CTNNA2: variants seen among roughly 807,000 people sequenced by gnomAD.
The protein encoded by CTNNA2 is catenin alpha-2.
CTNNA2 carries 42 observed loss-of-function variants against 101.0 expected under a neutral mutation model. The ratio of observed to expected loss-of-function variants is 0.42; its 90% confidence interval spans 0.32 to 0.54. The LOEUF is 0.54. Ranked by LOEUF, CTNNA2 falls within the 20% of genes least tolerant of loss-of-function variation. CTNNA2 has a pLI of 0.14. For synonymous variants in CTNNA2, 450 were observed against 456.4 expected (o/e 0.99, Z 0.18); for missense variants, 871 against 1,223.1 (o/e 0.71, Z 4.29).
At chr2:79,585,272 T>A (rs1676408927) in intron 1 of CTNNA2, among the ~76,000 whole-genome samples, 1 of 152,058 alleles carries the variant, frequency 6.6e-6, no homozygotes, top group Non-Finnish European at 1.5e-5. Flanking sequence ...TTTTCTTGGT[T>A]ATTCAGACAC....
intron 3 of CTNNA2, among the ~76,000 whole-genome samples, chr2:79,358,247 T>C (rs1243460476): frequency 3.3e-5 from 5 of 151,954 alleles, no homozygotes; most frequent in Admixed American, 3.3e-4. Flanking sequence ...TCACCCAGGC[T>C]GGAGTACAAT....
intron 7 of CTNNA2, among the ~76,000 whole-genome samples, chr2:80,097,150 G>T (rs982849662): frequency 6.6e-6 from 1 of 152,172 alleles, no homozygotes; most frequent in East Asian, 1.9e-4. Flanking sequence ...GGTACCGGTT[G>T]TTCCTTTCCA....
intron 18 of CTNNA2, among the ~76,000 whole-genome samples, chr2:80,640,792 A>G (rs1311813513): frequency 1.3e-5 from 2 of 152,116 alleles, no homozygotes; most frequent in Non-Finnish European, 2.9e-5. Context: ...TGCAAGCAAT[A>G]TGTGACTCCT....
At chr2:79,930,284 GAGAGAGAAAGAGAAAGAAAGAA>G (rs1687316115) in intron 7 of CTNNA2, among the ~76,000 whole-genome samples, 4 of 71,540 alleles carry the variant, frequency 5.6e-5, no homozygotes, top group Non-Finnish European at 3.6e-5. Context: ...GAAAGAGAGA[GAGAGAGAAAGAGAAAGAAAGAA>G]AGAAAGAAAG....
At chr2:80,149,023 ATTTTTTTTT>A (rs34431691) in intron 7 of CTNNA2, among the ~76,000 whole-genome samples, 2 of 124,820 alleles carry the variant, frequency 1.6e-5, no homozygotes, top group Non-Finnish European at 3.4e-5. Flanking sequence ...TTATTTTGTT[ATTTTTTTTT>A]TTTTTTTTTT....
chr2:80,297,667 G>A (rs536800444), intron 7 of CTNNA2, among the ~76,000 whole-genome samples: 1 of 152,168 alleles, frequency 6.6e-6, no homozygotes, highest in African/African-American at 2.4e-5. Context: ...ATACTTTAAT[G>A]GAAAAATACT....
chr2:79,861,697 T>G (rs745385716), intron 4 of CTNNA2, among the ~76,000 whole-genome samples: 4 of 152,226 alleles, frequency 2.6e-5, no homozygotes, highest in African/African-American at 9.6e-5. Context: ...ATATTAAAGA[T>G]TCACATGACT....
At chr2:79,540,263 T>G (rs963684399) in intron 1 of CTNNA2, among the ~76,000 whole-genome samples, 5 of 152,190 alleles carry the variant, frequency 3.3e-5, no homozygotes, top group African/African-American at 1.2e-4. Flanking sequence ...GCTCTGCCAC[T>G]TACTAGCTTG....
intron 3 of CTNNA2, among the ~76,000 whole-genome samples, chr2:79,343,949 A>G (rs1434211): frequency 0.84 from 127,469 of 152,110 alleles, 53,559 homozygotes; most frequent in East Asian, 0.97. Context: ...TACATGTGCT[A>G]TTCATGTGGT....
intron 7 of CTNNA2, among the ~76,000 whole-genome samples, chr2:80,348,320 A>G (rs1235635190): frequency 6.6e-6 from 1 of 152,144 alleles, no homozygotes; most frequent in Non-Finnish European, 1.5e-5. Flanking sequence ...AGACCAGTCA[A>G]AAGATTTGCT....
chr2:79,385,097 TCTGAAA>T (rs1362319672), intron 4 of CTNNA2, among the ~76,000 whole-genome samples: 1 of 152,230 alleles, frequency 6.6e-6, no homozygotes, highest in Admixed American at 6.5e-5. Flanking sequence ...CATTTCCCTT[TCTGAAA>T]CTGGTGACCT....
Position 79,636,192 on chromosome 2 carries a change from C to T in CTNNA2, c.-5-15360C>T, listed in dbSNP as rs180728170. Reference sequence around the variant, plus strand: ...GGCTGAGGCAGGAGAATGGCGTGGACCCGGGAGATGGAGCTTGCAGTGAGC... The same window carrying T: ...GGCTGAGGCAGGAGAATGGCGTGGATCCGGGAGATGGAGCTTGCAGTGAGC... On this transcript the variant is annotated intron_variant, in intron 1 of 18. Coordinates refer to ENST00000402739, the MANE Select transcript of CTNNA2 (RefSeq NM_001282597.3). 5.4e-3 allele frequency among the ~76,000 whole-genome samples: 788 copies of T among 147,254 alleles called. 26 individuals carry two copies. In the East Asian group the frequency reaches 0.065, roughly 12 times the overall value.
At chr2:79,823,028 T>G (rs1042650438) in intron 3 of CTNNA2, among the ~76,000 whole-genome samples, 2 of 152,220 alleles carry the variant, frequency 1.3e-5, no homozygotes, top group Non-Finnish European at 2.9e-5. Flanking sequence ...ATCTTTTAGA[T>G]GTCAGTAAAA....
intron 11 of CTNNA2, among the ~76,000 whole-genome samples, chr2:80,548,708 TTTCCGC>T (rs1475811899): frequency 6.6e-6 from 1 of 152,134 alleles, no homozygotes; most frequent in African/African-American, 2.4e-5. Context: ...AGCAGGCACC[TTTCCGC>T]AGACGGGGTT....
intron 6 of CTNNA2, among the ~76,000 whole-genome samples, chr2:79,876,204 G>A (rs952533273): frequency 8.5e-5 from 13 of 152,130 alleles, no homozygotes; most frequent in African/African-American, 3.1e-4. Flanking sequence ...ACAGAGGAGT[G>A]ATAAAGGATT....
In CTNNA2 at chr2:79,831,284, A is replaced by G. The variant is rs575948784; in HGVS notation, c.299-26729A>G. ...AAATAAATTTGGAAATAAGGAAATTAAGAAAATCTTTTTCTCCTCGAGGTT... is the reference window on the plus strand; with the variant it reads ...AAATAAATTTGGAAATAAGGAAATTGAGAAAATCTTTTTCTCCTCGAGGTT... On this transcript the variant is annotated intron_variant, in intron 3 of 18. Coordinates refer to ENST00000402739, the MANE Select transcript of CTNNA2 (RefSeq NM_001282597.3). 2.0e-5 allele frequency among the ~76,000 whole-genome samples: 3 copies of G among 152,268 alleles called. No homozygotes were observed. In the South Asian group the frequency reaches 6.2e-4, roughly 32 times the overall value.
At chr2:79,363,841 G>C (rs995931564) in intron 3 of CTNNA2, among the ~76,000 whole-genome samples, 2 of 152,146 alleles carry the variant, frequency 1.3e-5, no homozygotes, top group Non-Finnish European at 2.9e-5. Flanking sequence ...AGCAGTCCAG[G>C]ACAGGCAATC....
chr2:79,592,858 G>T (rs939472249), intron 1 of CTNNA2, among the ~76,000 whole-genome samples: 1 of 152,108 alleles, frequency 6.6e-6, no homozygotes, highest in South Asian at 2.1e-4. Context: ...TTTCTGATTT[G>T]CAAGAAGAAC....
At position 79,411,216 on chromosome 2, in the gene CTNNA2, G is replaced by A. The variant is rs1449323829; in HGVS notation, c.-135+37203G>A. ...TTTTTTCTTTATTAGTCTTGCTAGC[G>A]GTCTATCAATTTTGATGATCCTTTC... On this transcript the variant is annotated intron_variant, in intron 4 of 21. Transcript: ENST00000466387. Among the ~76,000 whole-genome samples the A allele has an allele frequency of 1.5e-4, 22 of 151,646 alleles. No homozygotes were observed. In the East Asian group the frequency reaches 3.1e-3, roughly 21 times the overall value.
Sources: gnomAD v4.1 joint callset for allele counts (sites outside exome capture counted in the v4.1 genomes callset) on GRCh38, gnomAD v4.1.1 for gene constraint, MANE v1.5 for transcripts, NCBI Gene and HGNC (gene_info 2026-07-23, HGNC 2026-07-21) for gene names.